FAM110B: variants seen among roughly 807,000 people sequenced by gnomAD.
FAM110B encodes family with sequence similarity 110 member B, also known as protein FAM110B.
Under a neutral mutation model 20.4 loss-of-function variants are expected in FAM110B, and 6 were observed. That is an observed-to-expected ratio of 0.29 (90% CI 0.16 to 0.58). FAM110B has a LOEUF of 0.58. FAM110B is among the 20% of genes least tolerant of loss of function. The pLI is 0.90. For missense variants in FAM110B, 434 were observed against 498.2 expected (o/e 0.87, Z 1.23); for synonymous variants, 226 against 214.1 (o/e 1.06, Z -0.49).
intron 2 of FAM110B, among the ~76,000 whole-genome samples, chr8:58,053,727 C>T (rs1029842063): frequency 1.3e-5 from 2 of 152,118 alleles, no homozygotes; most frequent in Non-Finnish European, 2.9e-5. Flanking sequence ...TTTTATGTTT[C>T]ATTATGAACT....
intron 1 of FAM110B, among the ~76,000 whole-genome samples, chr8:57,997,496 T>C (rs1359529453): frequency 1.3e-5 from 2 of 152,208 alleles, no homozygotes; most frequent in Admixed American, 6.5e-5. Context: ...CTCCAACTAA[T>C]CTGAACTTTT....
At chr8:58,059,796 C>T (rs1805619610) in intron 2 of FAM110B, among the ~76,000 whole-genome samples, 2 of 152,018 alleles carry the variant, frequency 1.3e-5, no homozygotes, top group African/African-American at 4.8e-5. Flanking sequence ...GTTTTTGCAA[C>T]TCTAGAACAT....
chr8:58,138,363 G>A (rs1188738247), intron 3 of FAM110B, among the ~76,000 whole-genome samples: 2 of 152,192 alleles, frequency 1.3e-5, no homozygotes, highest in African/African-American at 4.8e-5. Flanking sequence ...ACATGTGTGG[G>A]CCGAGCAAAC....
chr8:58,101,445 G>A (rs1321958936), intron 3 of FAM110B, among the ~76,000 whole-genome samples: 1 of 152,100 alleles, frequency 6.6e-6, no homozygotes, highest in African/African-American at 2.4e-5. Flanking sequence ...TAAATTAATC[G>A]TTTTTAAACT....
rs541694436 is a variant in FAM110B at position 58,129,983 on chromosome 8, CTT to C, written c.-324-15923_-324-15922del. On this transcript the variant is annotated intron_variant, in intron 3 of 3. Coordinates refer to ENST00000519262, the MANE Select transcript of FAM110B (RefSeq NM_001377989.1). ...TTAAAATTCTGCCTTCATGTTCTGT[CTT>C]CATGTTCCTTTCTTCTTGCTTTGAA... is the stretch of plus-strand genomic sequence containing the variant. Among the ~76,000 whole-genome samples the C allele has an allele frequency of 3.5e-4, 54 of 152,198 alleles. No individual in the cohort carries two copies. In the South Asian group the frequency reaches 0.011, roughly 30 times the overall value.
intron 2 of FAM110B, among the ~76,000 whole-genome samples, chr8:58,063,353 A>C (rs1805694268): frequency 6.6e-6 from 1 of 152,236 alleles, no homozygotes; most frequent in South Asian, 2.1e-4. Flanking sequence ...CCATGCAAAG[A>C]TAAAAACTAT....
At chr8:58,106,002 A>C (rs1382081497) in intron 3 of FAM110B, among the ~76,000 whole-genome samples, 1 of 152,232 alleles carries the variant, frequency 6.6e-6, no homozygotes, top group Admixed American at 6.5e-5. Flanking sequence ...AATATAAATA[A>C]ATACACTGTT....
At position 58,051,380 on chromosome 8, in the gene FAM110B, G is replaced by A. The variant is rs536779623; in HGVS notation, c.-414+19677G>A. On this transcript the variant is annotated intron_variant, in intron 2 of 3. Coordinates refer to ENST00000519262, the MANE Select transcript of FAM110B (RefSeq NM_001377989.1). ...GAAGCCAGAAACAAAAGCCAGCCAG[G>A]AATTCAGAAATGAATGCTCATTTAT... 3.5e-4 allele frequency among the ~76,000 whole-genome samples: 53 copies of A among 152,274 alleles called. 1 individual carries two copies. The highest frequency in any genetic ancestry group is 3.4e-3 in the Middle Eastern group (1 of 294).
intron 2 of FAM110B, among the ~76,000 whole-genome samples, chr8:58,058,766 C>T (rs1013003604): frequency 1.1e-4 from 17 of 152,014 alleles, no homozygotes; most frequent in Non-Finnish European, 2.9e-5. Context: ...AGTAATAAAA[C>T]CTTTTTTAAA....
chr8:58,064,922 C>A (rs1004950233), intron 2 of FAM110B, among the ~76,000 whole-genome samples: 1 of 152,128 alleles, frequency 6.6e-6, no homozygotes, highest in Non-Finnish European at 1.5e-5. Flanking sequence ...TAAGATATAA[C>A]CCTCGAAGTT....
At chr8:58,018,427 T>G (rs1192432975) in intron 1 of FAM110B, among the ~76,000 whole-genome samples, 1 of 152,172 alleles carries the variant, frequency 6.6e-6, no homozygotes, top group Non-Finnish European at 1.5e-5. Flanking sequence ...TTTCTCATGA[T>G]TATAGAGTTT....
intron 1 of FAM110B, among the ~76,000 whole-genome samples, chr8:58,002,427 A>G (rs1472272810): frequency 6.6e-6 from 1 of 152,220 alleles, no homozygotes; most frequent in African/African-American, 2.4e-5. Context: ...CTTTCTCAGT[A>G]GTGCTAGCAA....
At chr8:58,018,218 T>G (rs1025259396) in intron 1 of FAM110B, among the ~76,000 whole-genome samples, 1 of 152,192 alleles carries the variant, frequency 6.6e-6, no homozygotes, top group Non-Finnish European at 1.5e-5. Flanking sequence ...GATTGTAGAT[T>G]TATCTGTTTC....
chr8:58,118,126 A>G (rs941043167), intron 3 of FAM110B, among the ~76,000 whole-genome samples: 3 of 152,326 alleles, frequency 2.0e-5, no homozygotes, highest in South Asian at 4.1e-4. Flanking sequence ...CATTGTCATT[A>G]ATCTCTTTAT....
At chr8:58,045,253 C>G (rs1455444538) in intron 2 of FAM110B, among the ~76,000 whole-genome samples, 1 of 152,150 alleles carries the variant, frequency 6.6e-6, no homozygotes, top group Non-Finnish European at 1.5e-5. Flanking sequence ...AGGGCTGTGG[C>G]AGGGTGTCAG....
At chr8:58,055,063 C>A (rs1055683656) in intron 2 of FAM110B, among the ~76,000 whole-genome samples, 1 of 151,894 alleles carries the variant, frequency 6.6e-6, no homozygotes, top group Non-Finnish European at 1.5e-5. Flanking sequence ...TTATTCTTAC[C>A]CTTGCTGGTT....
chr8:58,089,839 A>T (rs1354340779), intron 3 of FAM110B, among the ~76,000 whole-genome samples: 2 of 152,258 alleles, frequency 1.3e-5, no homozygotes, highest in Non-Finnish European at 2.9e-5. Flanking sequence ...CTTTGAAAAC[A>T]TATTTTTGCC....
chr8:58,036,470 C>T (rs1805075457), intron 2 of FAM110B, among the ~76,000 whole-genome samples: 1 of 152,192 alleles, frequency 6.6e-6, no homozygotes, highest in South Asian at 2.1e-4. Flanking sequence ...TCTTAAAAAT[C>T]ACTGACTTTT....
At chr8:58,096,198 CAG>C (rs1188888894) in intron 3 of FAM110B, among the ~76,000 whole-genome samples, 1 of 151,870 alleles carries the variant, frequency 6.6e-6, no homozygotes, top group East Asian at 1.9e-4. Flanking sequence ...TTTTTTGAGA[CAG>C]AGTTTTGCTC....
Sources: allele counts gnomAD v4.1 joint callset (sites outside exome capture counted in the v4.1 genomes callset), GRCh38; gene constraint gnomAD v4.1.1; transcripts MANE v1.5; gene names NCBI Gene and HGNC (gene_info 2026-07-23, HGNC 2026-07-21).